The following KAZN variants were observed in gnomAD, a reference collection of about 807,000 sequenced individuals.
KAZN encodes the protein kazrin.
A neutral mutation model predicts 87.4 loss-of-function variants in KAZN; 40 were observed. The observed-to-expected ratio is 0.46, with a 90% CI of 0.36 to 0.60. The LOEUF is 0.60. Among genes scored for constraint, KAZN ranks in the 20% least tolerant of loss-of-function variants. The pLI is 0.00. For missense variants in KAZN, 898 were observed against 1,073.9 expected (o/e 0.84, Z 2.29); for synonymous variants, 466 against 458.3 (o/e 1.02, Z -0.22).
At chr1:14,487,281 A>G (rs756706469) in intron 2 of KAZN, among the ~76,000 whole-genome samples, 3 of 152,254 alleles carry the variant, frequency 2.0e-5, no homozygotes, top group Non-Finnish European at 2.9e-5. Context: ...ATAGCTAACT[A>G]AAAGACTCTC....
intron 2 of KAZN, among the ~76,000 whole-genome samples, chr1:14,306,391 C>A (rs1654931675): frequency 6.6e-6 from 1 of 152,144 alleles, no homozygotes; most frequent in Non-Finnish European, 1.5e-5. Context: ...CCACTCAGGG[C>A]CAATGTGACA....
chr1:15,075,724 A>G (rs922406653), intron 8 of KAZN, among the ~76,000 whole-genome samples: 1 of 152,312 alleles, frequency 6.6e-6, no homozygotes, highest in East Asian at 1.9e-4. Flanking sequence ...AAAGGACCCA[A>G]AGCAGTGCAC....
rs1031994139 is a variant in KAZN, at chr1:14,577,078, C to T, written c.250-21905C>T. ...TGAGAGGAATCTGGTTAGAAACCAG[C>T]GTGTAATGGATGAGAACACTTTTGC... On this transcript the variant is annotated intron_variant, in intron 2 of 16. Coordinates refer to the KAZN transcript ENST00000636203. 5.3e-5 allele frequency among the ~76,000 whole-genome samples: 8 copies of T among 152,294 alleles called. No individual in the cohort carries two copies. The East Asian group carries it at 1.4e-3, about 26-fold the overall frequency.
chr1:14,431,350 T>C (rs1034929236), intron 2 of KAZN, among the ~76,000 whole-genome samples: 1 of 152,190 alleles, frequency 6.6e-6, no homozygotes, highest in African/African-American at 2.4e-5. Context: ...CCAATAAGTG[T>C]GGAGTCAACA....
At chr1:14,924,284 C>T in intron 1 of KAZN, 6 of 983,382 alleles carry the variant, frequency 6.1e-6, no homozygotes, top group Non-Finnish European at 7.2e-6. Flanking sequence ...GATGCGGCGG[C>T]GACCTCCGGG....
intron 1 of KAZN, among the ~76,000 whole-genome samples, chr1:14,609,920 T>C (rs1328500026): frequency 6.6e-6 from 1 of 152,208 alleles, no homozygotes; most frequent in Non-Finnish European, 1.5e-5. Context: ...AGCTGCACAG[T>C]GTGGGAAGAG....
At chr1:14,311,936 T>C (rs1043167630) in intron 2 of KAZN, among the ~76,000 whole-genome samples, 43 of 152,226 alleles carry the variant, frequency 2.8e-4, no homozygotes, top group African/African-American at 7.5e-4. Flanking sequence ...AATGCCTAGA[T>C]ACAAAAAGTA....
At chr1:15,074,015 C>T (rs565744683) in intron 8 of KAZN, among the ~76,000 whole-genome samples, 3 of 152,354 alleles carry the variant, frequency 2.0e-5, no homozygotes, top group Admixed American at 2.0e-4. Context: ...AGCCCAGCGC[C>T]TTCAGGGCCC....
intron 2 of KAZN, among the ~76,000 whole-genome samples, chr1:14,281,090 C>T (rs537073054): frequency 6.6e-6 from 1 of 152,302 alleles, no homozygotes; most frequent in Non-Finnish European, 1.5e-5. Context: ...CTGGATATTT[C>T]CGAAAGGATT....
chr1:14,435,720 C>T (rs1666342930), intron 2 of KAZN, among the ~76,000 whole-genome samples: 1 of 152,184 alleles, frequency 6.6e-6, no homozygotes, highest in Non-Finnish European at 1.5e-5. Flanking sequence ...CCGCAGCTAC[C>T]TCATCTTAGA....
intron 1 of KAZN, among the ~76,000 whole-genome samples, chr1:14,037,159 C>A (rs1289005584): frequency 6.6e-6 from 1 of 152,182 alleles, no homozygotes; most frequent in African/African-American, 2.4e-5. Context: ...ACTTTTTCCA[C>A]TGAATACATC....
intron 2 of KAZN, among the ~76,000 whole-genome samples, chr1:14,563,281 A>G (rs767361273): frequency 2.0e-5 from 3 of 152,220 alleles, no homozygotes; most frequent in Admixed American, 6.5e-5. Flanking sequence ...GACAATCCAC[A>G]AGGGTCATCT....
chr1:14,525,737 T>G (rs896211689), intron 2 of KAZN, among the ~76,000 whole-genome samples: 2 of 152,232 alleles, frequency 1.3e-5, no homozygotes, highest in African/African-American at 4.8e-5. Flanking sequence ...CAAAAGTCAA[T>G]TCAATCCATA....
intron 1 of KAZN, chr1:14,924,091 C>T: frequency 1.0e-6 from 1 of 977,264 alleles, no homozygotes; most frequent in East Asian, 1.2e-4. Context: ...CGGCAGTCGC[C>T]AGCCCGGAAG....
intron 1 of KAZN, among the ~76,000 whole-genome samples, chr1:13,986,798 G>A (rs1202756758): frequency 6.6e-6 from 1 of 152,142 alleles, no homozygotes; most frequent in Admixed American, 6.5e-5. Context: ...CCAGCCACCG[G>A]GGCCCTCGTG....
At position 15,043,707 on chromosome 1, in the gene KAZN, G is replaced by A. The variant is rs532593180; in HGVS notation, c.556-282G>A. On this transcript the variant is annotated intron_variant, in intron 3 of 14. Coordinates refer to ENST00000376030, the MANE Select transcript of KAZN (RefSeq NM_201628.3). ...CGCCCAGGCTGGAGTGCAGTGGTGC[G>A]ATCTCGGCTCACTGCAAGCTCCACC... Among the ~76,000 whole-genome samples the A allele has an allele frequency of 2.3e-3, 323 of 140,360 alleles. 2 individuals carry two copies. Among genetic ancestry groups the A allele is most frequent in the African/African-American group, 7.9e-3 (287 of 36,246 alleles). The allele number at this position is 140,360 out of a possible 152,430, so 92.1% of individuals were successfully genotyped here.
At chr1:14,092,962 G>T (rs1307317080) in intron 1 of KAZN, among the ~76,000 whole-genome samples, 4 of 152,174 alleles carry the variant, frequency 2.6e-5, no homozygotes, top group African/African-American at 9.7e-5. Flanking sequence ...CATGTTCTTA[G>T]ATAGTGCAAG....
intron 1 of KAZN, among the ~76,000 whole-genome samples, chr1:14,078,152 C>T (rs1643533121): frequency 6.6e-6 from 1 of 152,186 alleles, no homozygotes; most frequent in South Asian, 2.1e-4. Flanking sequence ...GTTTAGCAAT[C>T]AAATGGCTTT....
At chr1:14,872,999 C>CATGG (rs150273318) in intron 1 of KAZN, among the ~76,000 whole-genome samples, 78,428 of 140,142 alleles carry the variant, frequency 0.56, 21,061 homozygotes, top group Middle Eastern at 0.69. Context: ...TAGAAGGATA[C>CATGG]ATGGATGGAT....
Sources: gnomAD v4.1 joint callset for allele counts (sites outside exome capture counted in the v4.1 genomes callset) on GRCh38, gnomAD v4.1.1 for gene constraint, MANE v1.5 for transcripts, NCBI Gene and HGNC (gene_info 2026-07-23, HGNC 2026-07-21) for gene names.